Variants in MTA1 observed in about 807,000 individuals in gnomAD.
MTA1 encodes metastasis associated 1.
Under a neutral mutation model 97.0 loss-of-function variants are expected in MTA1, and 15 were observed. The ratio of observed to expected loss-of-function variants is 0.15; its 90% CI spans 0.10 to 0.24. The LOEUF (loss-of-function observed/expected upper bound fraction) is 0.24, where lower values mean the gene tolerates loss of function less well. Among genes scored for constraint, MTA1 ranks in the 10% least tolerant of loss-of-function variants. The pLI, the probability that MTA1 is intolerant of heterozygous loss-of-function variation, is 1.00. For synonymous variants in MTA1, 435 were observed against 417.5 expected, an observed-to-expected ratio of 1.04 and a Z score of -0.51; for missense variants, 709 against 1,015.1, an observed-to-expected ratio of 0.70 and a Z score of 4.10.
intron 1 of MTA1, among the ~76,000 whole-genome samples, chr14:105,421,484 AAG>A (rs1468290237): frequency 6.6e-6 from 1 of 152,172 alleles, no homozygotes; most frequent in Non-Finnish European, 1.5e-5. Flanking sequence ...TGGTCCCAAG[AAG>A]AGCTCTCCCT....
chr14:105,456,764 G>A (rs1185076019), intron 7 of MTA1, among the ~76,000 whole-genome samples: 1 of 152,230 alleles, frequency 6.6e-6, no homozygotes, highest in Non-Finnish European at 1.5e-5. Flanking sequence ...AGGGAGCTAG[G>A]CCCCAGCTTC....
At chr14:105,448,061 C>A (rs1484120634) in intron 3 of MTA1, among the ~76,000 whole-genome samples, 1 of 152,088 alleles carries the variant, frequency 6.6e-6, no homozygotes, top group Admixed American at 6.5e-5. Flanking sequence ...GAGAAGCCCT[C>A]CCCCCGGCAG....
intron 18 of MTA1, chr14:105,468,980 C>T (rs1172338180): frequency 4.5e-5 from 15 of 332,886 alleles, no homozygotes; most frequent in Non-Finnish European, 9.0e-5. Context: ...GGCTGGGGCC[C>T]AGCCAGGGCA....
Position 105,422,179 on chromosome 14 carries a change from C to G in MTA1, c.28+2116C>G, listed in dbSNP as rs997622868. Among the ~76,000 whole-genome samples, 1 of 152,190 alleles carries G rather than the reference C, an allele frequency of 6.6e-6. No homozygotes were observed. Among genetic ancestry groups the G allele is most frequent in the African/African-American group, 2.4e-5 (1 of 41,450 alleles). On this transcript the variant is annotated intron_variant, in intron 1 of 20. Coordinates refer to ENST00000331320, the MANE Select transcript of MTA1 (RefSeq NM_004689.4). This position sits in a 1 kb window ranked among gnomAD's most constrained non-coding sequence, Gnocchi z 4.3. ...TGCAGGTGAGACTGTAGGCCTCCCC[C>G]TCTCTACTCTGACTGTCCCTATAGG...
chr14:105,442,993 C>T (rs902465471), intron 2 of MTA1, among the ~76,000 whole-genome samples: 9 of 152,190 alleles, frequency 5.9e-5, no homozygotes, highest in Non-Finnish European at 1.0e-4. Context: ...CCCAGCTGCC[C>T]GGGTGGGGTG....
intron 2 of MTA1, among the ~76,000 whole-genome samples, chr14:105,444,664 G>A (rs1301003736): frequency 2.6e-5 from 4 of 151,382 alleles, no homozygotes; most frequent in African/African-American, 9.7e-5. Flanking sequence ...GGTGGCTCAC[G>A]CTTGTAATCT....
intron 3 of MTA1, among the ~76,000 whole-genome samples, chr14:105,447,568 G>C (rs1555427496): frequency 6.6e-6 from 1 of 152,196 alleles, no homozygotes; most frequent in Non-Finnish European, 1.5e-5. Flanking sequence ...CCTCGTTGGG[G>C]CTGATAGGAC....
At chr14:105,443,183 A>C (rs1390374928) in intron 2 of MTA1, among the ~76,000 whole-genome samples, 1 of 152,154 alleles carries the variant, frequency 6.6e-6, no homozygotes, top group African/African-American at 2.4e-5. Flanking sequence ...CAGGAGGGTC[A>C]GGCCACATTG....
chr14:105,466,044 A>T (rs1174157229), intron 16 of MTA1: 11 of 232,772 alleles, frequency 4.7e-5, no homozygotes, highest in African/African-American at 7.0e-5. Flanking sequence ...TCGCTGTCTG[A>T]CGAGCAGCCA....
intron 4 of MTA1, among the ~76,000 whole-genome samples, chr14:105,449,674 AG>A (rs2082848044): frequency 1.3e-5 from 2 of 152,170 alleles, no homozygotes; most frequent in Admixed American, 6.5e-5. Context: ...GGACGGACAG[AG>A]GGCGGCTGCC....
intron 1 of MTA1, among the ~76,000 whole-genome samples, chr14:105,428,015 CAA>C (rs11421824): frequency 2.7e-5 from 3 of 109,832 alleles, no homozygotes; most frequent in African/African-American, 3.9e-5. Flanking sequence ...GAGACTCTCT[CAA>C]AAAAAAAAAA....
chr14:105,469,473 C>A lies in MTA1; in HGVS notation c.1820C>A (p.Ala607Glu). The change falls in exon 19 of 21, where the codon GCA becomes GAA. Residue 607 changes from alanine (A) to glutamate (E), a missense_variant. Coordinates refer to ENST00000331320, the MANE Select transcript of MTA1 (RefSeq NM_004689.4). ...KRLLMPSRGL[A>E]NHGQARHMGP... ...CTCCTCCATTTCTCATCAGGTCTGG[C>A]AAACCACGGACAGGCCAGGCACATG... The A allele has an allele frequency of 6.2e-7, 1 of 1,612,976 alleles. No homozygotes were observed. The highest frequency in any genetic ancestry group is 8.5e-7 in the Non-Finnish European group (1 of 1,179,830).
intron 18 of MTA1, chr14:105,467,413 G>A (rs934591152): frequency 1.8e-5 from 8 of 455,762 alleles, no homozygotes; most frequent in Non-Finnish European, 3.5e-5. Flanking sequence ...CCGGTTTGGC[G>A]ACCTGGAGGT....
At chr14:105,439,687 G>C (rs77149355) in intron 2 of MTA1, among the ~76,000 whole-genome samples, 2,769 of 152,184 alleles carry the variant, frequency 0.018, 97 homozygotes, top group African/African-American at 0.064. Flanking sequence ...GTGGGGTGCT[G>C]GGTGCTTCAC....
Position 105,469,963 on chromosome 14 carries a change from C to T in MTA1, c.1968C>T (p.Asp656=), listed in dbSNP as rs147974087. 795 of 1,612,498 alleles carry T rather than the reference C, an allele frequency of 4.9e-4. 6 individuals carry two copies. Among genetic ancestry groups the T allele is most frequent in the South Asian group, 2.1e-3 (195 of 91,062 alleles). Residue 656 remains aspartate, a synonymous_variant, in exon 20 of 21, where the codon GAC becomes GAT. Transcript: ENST00000331320. Reference sequence around the variant, plus strand: ...TGAACTGGATCGACGCCCCGGATGACGTGTTCTACATGGCCACAGAGGAGA... The same window carrying T: ...TGAACTGGATCGACGCCCCGGATGATGTGTTCTACATGGCCACAGAGGAGA... ...RRMNWIDAPD[D]VFYMATEETR...
Position 105,464,766 on chromosome 14 carries a change from G to A in MTA1, c.1437G>A (p.Thr479=), listed in dbSNP as rs370635974. The A allele has an allele frequency of 2.6e-5, 42 of 1,609,644 alleles. No individual in the cohort carries two copies. The highest frequency in any genetic ancestry group is 6.7e-5 in the Admixed American group (4 of 59,870). The change falls in exon 15 of 21, where the codon ACG becomes ACA. Residue 479 remains threonine, a synonymous_variant. Coordinates refer to ENST00000331320, the MANE Select transcript of MTA1 (RefSeq NM_004689.4). The part of the protein sequence containing the change: ...QAFYLHTTKL[T]RIARRLCREI... The stretch of plus-strand genomic sequence containing the variant: ...TCTATCTGCACACGACGAAGCTGAC[G>A]CGGATCGCCCGGCGCCTGTGCCGTG...
At chr14:105,458,863 G>A (rs1216373750) in intron 8 of MTA1, among the ~76,000 whole-genome samples, 1 of 152,180 alleles carries the variant, frequency 6.6e-6, no homozygotes, top group Non-Finnish European at 1.5e-5. Flanking sequence ...TCAGTTAGAC[G>A]CACACGGGTT....
At chr14:105,432,659 G>A (rs1218486405) in intron 1 of MTA1, among the ~76,000 whole-genome samples, 1 of 152,164 alleles carries the variant, frequency 6.6e-6, no homozygotes, top group Non-Finnish European at 1.5e-5. Context: ...TGTTCTCTAC[G>A]TTCTTTATGA....
chr14:105,450,378 T>C, intron 6 of MTA1, 54 bp downstream of exon 6: 1 of 1,565,564 alleles, frequency 6.4e-7, no homozygotes. Context: ...CACTGTTTCC[T>C]CTACCTATGA....
Sources: allele counts gnomAD v4.1 joint callset (sites outside exome capture counted in the v4.1 genomes callset), GRCh38; gene constraint gnomAD v4.1.1; non-coding constraint Gnocchi (gnomAD v3.1); transcripts MANE v1.5; gene names NCBI Gene and HGNC (gene_info 2026-07-23, HGNC 2026-07-21).